Variants in COL4A3 observed in about 807,000 individuals in gnomAD.
COL4A3 encodes collagen alpha-3(IV) chain.
Under a neutral mutation model 217.4 loss-of-function variants are expected in COL4A3, and 135 were observed. The observed-to-expected ratio is 0.62, with a 90% CI of 0.54 to 0.72. The LOEUF is 0.72. Among genes scored for constraint, COL4A3 ranks in the 30% least tolerant of loss-of-function variants. The probability of loss-of-function intolerance (pLI) is 0.00; values close to 1 mark genes in which losing one functional copy is unlikely to be tolerated. For synonymous variants in COL4A3, 690 were observed against 736.3 expected, an observed-to-expected ratio of 0.94 and a Z score of 1.02; for missense variants, 1,868 against 2,119.9, an observed-to-expected ratio of 0.88 and a Z score of 2.33.
chr2:227,297,525 A>G (rs1574822807), intron 41 of COL4A3, 149 bp from the exon 42 acceptor site: 1 of 717,780 alleles, frequency 1.4e-6, no homozygotes, highest in East Asian at 2.9e-5. Context: ...TGCATTTACC[A>G]GCAATATATT....
chr2:227,215,371 T>C (rs1315512299), intron 1 of COL4A3, among the ~76,000 whole-genome samples: 4 of 152,202 alleles, frequency 2.6e-5, no homozygotes, highest in Non-Finnish European at 5.9e-5. Flanking sequence ...CTGTCTGATG[T>C]TTTTATGAGT....
chr2:227,276,986 AG>A (rs778128866), intron 27 of COL4A3, among the ~76,000 whole-genome samples: 6 of 152,336 alleles, frequency 3.9e-5, no homozygotes, highest in Non-Finnish European at 7.4e-5. Context: ...TCCATTGGAT[AG>A]GGACAGGGAG....
chr2:227,201,722 C>T (rs959113182), intron 1 of COL4A3, among the ~76,000 whole-genome samples: 9 of 152,128 alleles, frequency 5.9e-5, no homozygotes, highest in East Asian at 1.9e-4. Flanking sequence ...CTGAATGGAA[C>T]GAGAGATTTA....
chr2:227,282,047 G>A lies in COL4A3; in HGVS notation c.2489-318G>A, dbSNP rs563994543. On this transcript the variant is annotated intron_variant, in intron 31 of 51. Transcript: ENST00000396578. This position sits in a 1 kb window ranked among gnomAD's most constrained non-coding sequence, Gnocchi z 4.4. ...AGCACTATGGGAGGCCGAGGTGGGC[G>A]GATCATTTGAGGTCAGGAGTTTGAG... is the stretch of plus-strand genomic sequence containing the variant. 3.9e-5 allele frequency among the ~76,000 whole-genome samples: 6 copies of A among 152,204 alleles called. No homozygotes were observed. Among genetic ancestry groups the A allele is most frequent in the South Asian group, 2.1e-4 (1 of 4,824 alleles).
Position 227,280,519 on chromosome 2 carries a change from G to A in COL4A3, c.2303G>A (p.Gly768Glu). The A allele has an allele frequency of 6.2e-7, 1 of 1,614,150 alleles. No individual in the cohort carries two copies. The highest frequency in any genetic ancestry group is 8.5e-7 in the Non-Finnish European group (1 of 1,180,010). The change falls in exon 30 of 52, where the codon GGA becomes GAA. Residue 768 changes from glycine to glutamate, a missense_variant. Transcript: ENST00000396578. ...PGERGNSGEH[G>E]EIGLPGLPGL... ...GAAAGAGGCAATTCTGGGGAACATG[G>A]AGAAATTGGACTCCCTGGACTTCCA... is the stretch of plus-strand genomic sequence containing the variant.
At chr2:227,221,468 T>C in intron 1 of COL4A3, 1 of 151,952 alleles carries the variant, frequency 6.6e-6, no homozygotes, top group East Asian at 1.9e-4. Context: ...TCAGCTCTCT[T>C]GCTTGATCAA....
rs569094007 is a variant in COL4A3, at chr2:227,169,934, T to C, written c.87+5121T>C. Among the ~76,000 whole-genome samples the C allele has an allele frequency of 2.6e-5, 4 of 152,330 alleles. No individual in the cohort carries two copies. The South Asian group carries it at 8.3e-4, about 32-fold the overall frequency. On this transcript the variant is annotated intron_variant, in intron 1 of 51. Coordinates refer to ENST00000396578, the MANE Select transcript of COL4A3 (RefSeq NM_000091.5). ...ATGTTTATATTAAATCTATGTCTGG[T>C]AGGACAAGTAGAAGATAGAACAGTT...
At chr2:227,238,801 G>T (rs150938146) in intron 2 of COL4A3, among the ~76,000 whole-genome samples, 1 of 152,188 alleles carries the variant, frequency 6.6e-6, no homozygotes, top group African/African-American at 2.4e-5. Flanking sequence ...TTCACATGTA[G>T]TTGGATTTAG....
At chr2:227,227,929 C>G (rs1311582631) in intron 1 of COL4A3, 1 of 152,098 alleles carries the variant, frequency 6.6e-6, no homozygotes, top group African/African-American at 2.4e-5. Flanking sequence ...AAAAAAGGAA[C>G]CTGGAGTTAA....
chr2:227,238,591 T>C (rs568969598), intron 2 of COL4A3, among the ~76,000 whole-genome samples: 4 of 152,306 alleles, frequency 2.6e-5, no homozygotes, highest in Middle Eastern at 3.4e-3. Flanking sequence ...TTGTGATAAT[T>C]AAGATAGAGG....
Position 227,253,303 on chromosome 2 carries a change from T to G in COL4A3, c.653T>G (p.Met218Arg). 1 of 1,613,670 alleles carries G rather than the reference T, an allele frequency of 6.2e-7. No homozygotes were observed. The highest frequency in any genetic ancestry group is 8.5e-7 in the Non-Finnish European group (1 of 1,179,564). The change falls in exon 12 of 52, where the codon ATG becomes AGG. Residue 218 changes from methionine to arginine, a missense_variant. By Grantham distance (91) the Met-to-Arg change is moderately conservative. Around this residue, in one of 2 missense-constraint regions of COL4A3, gnomAD observed 365 missense variants for 333.8 expected, o/e 1.09. Transcript: ENST00000396578. This position sits in a 1 kb window ranked among gnomAD's most constrained non-coding sequence, Gnocchi z 4.4. ...TTTTGTGTTTTCTTACAGGGTCACA[T>G]GGGTGAAAGAGTGATAGGACATAAA... ...AMGPRGPKGH[M>R]GERVIGHKGE...
rs1380662851 is a variant in COL4A3 at position 227,314,314 on chromosome 2, T to G, written c.*2444T>G. 1 of 152,686 alleles carries G rather than the reference T, an allele frequency of 6.5e-6. No homozygotes were observed. Among genetic ancestry groups the G allele is most frequent in the African/African-American group, 2.4e-5 (1 of 41,466 alleles). The allele number at this position is 152,686 out of a possible 1,614,324, so 9.5% of individuals were successfully genotyped here. Reference sequence around the variant, plus strand: ...ATGAACAGCTGTTCAGTTGCACTTCTAAGACTTTACTTAGCAGTAAATTAT... The same window carrying G: ...ATGAACAGCTGTTCAGTTGCACTTCGAAGACTTTACTTAGCAGTAAATTAT... On this transcript the variant is annotated 3_prime_UTR_variant, in exon 52 of 52. Transcript: ENST00000396578.
At position 227,272,988 on chromosome 2, in the gene COL4A3, G is replaced by A. The variant is rs781224368; in HGVS notation, c.1798G>A (p.Asp600Asn). 4.3e-5 allele frequency: 69 copies of A among 1,614,004 alleles called. No homozygotes were observed. The highest frequency in any genetic ancestry group is 5.8e-5 in the Non-Finnish European group (68 of 1,180,006). The stretch of plus-strand genomic sequence containing the variant: ...GAAAGGGGACCAAGGTCCTCCAGGG[G>A]ATCCTGGCTCCCCTGGGTCCCCAGG... ...GEKGDQGPPG[D>N]PGSPGSPGPA... is the part of the protein sequence containing the mutation. Residue 600 changes from aspartate (D) to asparagine (N), a missense_variant, in exon 26 of 52, where the codon GAT becomes AAT. Around this residue, in one of 2 missense-constraint regions of COL4A3, gnomAD observed 1,503 missense variants for 1,786.1 expected, o/e 0.84. Coordinates refer to ENST00000396578, the MANE Select transcript of COL4A3 (RefSeq NM_000091.5).
chr2:227,202,370 T>A (rs61301974), intron 1 of COL4A3, among the ~76,000 whole-genome samples: 37,562 of 152,088 alleles, frequency 0.25, 5,096 homozygotes, highest in East Asian at 0.41. Context: ...CCCTAAATAA[T>A]CATGCCTGTC....
At chr2:227,279,919 G>T in intron 29 of COL4A3, 29 bp downstream of exon 29, 1 of 1,529,852 alleles carries the variant, frequency 6.5e-7, no homozygotes, top group South Asian at 1.2e-5. Context: ...TATCACAGAA[G>T]AGAGGGTGGG....
intron 24 of COL4A3, 117 bp downstream of exon 24, chr2:227,270,097 T>TA: frequency 1.4e-6 from 1 of 734,942 alleles, no homozygotes; most frequent in Non-Finnish European, 2.4e-6. Flanking sequence ...ACTTAATAGA[T>TA]ACCTGTTGAT....
rs1306966010 is a variant in COL4A3, at chr2:227,276,003, T to C, written c.1928-382T>C. On this transcript the variant is annotated intron_variant, in intron 26 of 51. Coordinates refer to ENST00000396578, the MANE Select transcript of COL4A3 (RefSeq NM_000091.5). Reference sequence around the variant, plus strand: ...ATTTAATTTTACATAAACACATTCTTTGAGGCTGAAGCAAATCTGATTTTC... The same window carrying C: ...ATTTAATTTTACATAAACACATTCTCTGAGGCTGAAGCAAATCTGATTTTC... 4.6e-5 allele frequency among the ~76,000 whole-genome samples: 7 copies of C among 152,370 alleles called. No individual in the cohort carries two copies. In the South Asian group the frequency reaches 1.4e-3, roughly 32 times the overall value.
chr2:227,168,464 CTGTT>C (rs1400575348), intron 1 of COL4A3, among the ~76,000 whole-genome samples: 20 of 152,110 alleles, frequency 1.3e-4, no homozygotes, highest in Admixed American at 1.2e-3. Flanking sequence ...AACTTTCTGT[CTGTT>C]TATCTATTGT....
chr2:227,186,324 T>A (rs1031652650), intron 1 of COL4A3, among the ~76,000 whole-genome samples: 1 of 152,152 alleles, frequency 6.6e-6, no homozygotes, highest in Admixed American at 6.5e-5. Context: ...ATGATGAGTG[T>A]CCAATAATGA....
Sources: allele counts gnomAD v4.1 joint callset (sites outside exome capture counted in the v4.1 genomes callset), GRCh38; gene constraint gnomAD v4.1.1; regional missense constraint gnomAD v4.1.1; non-coding constraint Gnocchi (gnomAD v3.1); transcripts MANE v1.5; gene names NCBI Gene and HGNC (gene_info 2026-07-23, HGNC 2026-07-21).